CFAP20: variants seen among roughly 807,000 people sequenced by gnomAD.
CFAP20 encodes the protein cilia- and flagella-associated protein 20.
Under a neutral mutation model 25.5 loss-of-function variants are expected in CFAP20, and 14 were observed. The observed-to-expected ratio is 0.55, with a 90% confidence interval of 0.36 to 0.86. The LOEUF (loss-of-function observed/expected upper bound fraction) is 0.86, where lower values mean the gene tolerates loss of function less well. CFAP20 is among the 40% of genes least tolerant of loss of function. The pLI, the probability that CFAP20 is intolerant of heterozygous loss-of-function variation, is 0.01. For missense variants in CFAP20, 181 were observed against 248.0 expected (o/e 0.73, Z 1.81); for synonymous variants, 75 against 91.1 (o/e 0.82, Z 1.01).
intron 1 of CFAP20, among the ~76,000 whole-genome samples, chr16:58,122,486 G>A (rs567202634): frequency 6.6e-6 from 1 of 152,274 alleles, no homozygotes; most frequent in Non-Finnish European, 1.5e-5. Flanking sequence ...GGAGGCTGAG[G>A]CAGGAGAATT....
At chr16:58,123,950 G>T (rs1567448654) in intron 1 of CFAP20, among the ~76,000 whole-genome samples, 1 of 152,144 alleles carries the variant, frequency 6.6e-6, no homozygotes. Flanking sequence ...TCTGAGAAAG[G>T]CCTTTGAACT....
rs531780633 is a variant in CFAP20 at position 58,122,700 on chromosome 16, C to CA, written c.85-5750dup. ...AAAAAAGTTTTACCACCTTTATGTC[C>CA]AAATACACTCAATTCTACTACTGAA... is the stretch of plus-strand genomic sequence containing the variant. On this transcript the variant is annotated intron_variant, in intron 1 of 5. Transcript: ENST00000262498. Among the ~76,000 whole-genome samples the CA allele has an allele frequency of 1.9e-3, 287 of 152,268 alleles. 2 individuals carry two copies. The highest frequency in any genetic ancestry group is 6.4e-3 in the African/African-American group (264 of 41,550).
At position 58,122,747 on chromosome 16, in the gene CFAP20, A is replaced by G. The variant is rs79090889; in HGVS notation, c.85-5796T>C. On this transcript the variant is annotated intron_variant, in intron 1 of 5. Transcript: ENST00000262498. Reference sequence around the variant, plus strand: ...TGAAAACAGCACCAATTTAATTTTTATCAACAAGGCATGCTAACTAAAAAC... The same window carrying G: ...TGAAAACAGCACCAATTTAATTTTTGTCAACAAGGCATGCTAACTAAAAAC... 8.6e-3 allele frequency among the ~76,000 whole-genome samples: 1,306 copies of G among 152,348 alleles called. 22 individuals are homozygous for G. The highest frequency in any genetic ancestry group is 0.078 in the East Asian group (402 of 5,182).
chr16:58,127,489 T>C (rs1007270575), intron 1 of CFAP20, among the ~76,000 whole-genome samples: 1 of 152,232 alleles, frequency 6.6e-6, no homozygotes, highest in African/African-American at 2.4e-5. Context: ...TGACAGCCCA[T>C]AACTGAGTCA....
intron 1 of CFAP20, among the ~76,000 whole-genome samples, chr16:58,120,386 A>C (rs6499936): frequency 0.97 from 148,485 of 152,310 alleles, 72,391 homozygotes; most frequent in East Asian, 1. Flanking sequence ...ATTTCACATC[A>C]CTCAAGCTCT....
At chr16:58,123,931 G>A in intron 1 of CFAP20, among the ~76,000 whole-genome samples, 1 of 152,184 alleles carries the variant, frequency 6.6e-6, no homozygotes, top group South Asian at 2.1e-4. Context: ...AAGAGTTAAG[G>A]AAGGTCACTC....
intron 1 of CFAP20, among the ~76,000 whole-genome samples, chr16:58,117,974 T>G (rs1960481734): frequency 6.6e-6 from 1 of 152,250 alleles, no homozygotes; most frequent in Non-Finnish European, 1.5e-5. Flanking sequence ...TTTGTTTTTC[T>G]GGCTCATGTT....
intron 1 of CFAP20, 30 bp downstream of exon 1, chr16:58,129,002 A>ACC: frequency 6.8e-7 from 1 of 1,467,434 alleles, no homozygotes; most frequent in Non-Finnish European, 9.3e-7. Flanking sequence ...CAGCCCCTCC[A>ACC]CCCCGCCCCG....
At position 58,116,074 on chromosome 16, in the gene CFAP20, T is replaced by G; in HGVS notation, c.243A>C (p.Lys81Asn). The G allele has an allele frequency of 6.2e-7, 1 of 1,613,442 alleles. No individual in the cohort carries two copies. Among genetic ancestry groups the G allele is most frequent in the Non-Finnish European group, 8.5e-7 (1 of 1,179,358 alleles). Residue 81 changes from lysine to asparagine, a missense_variant, in exon 3 of 6, where the codon AAA becomes AAC. Coordinates refer to ENST00000262498, the MANE Select transcript of CFAP20 (RefSeq NM_013242.3). ...CGAAGGTAAAATACTTCTTCAGGTT[T>G]TTGATAATCATGACAAGGAAAGGAA... ...IKLPFLVMII[K>N]NLKKYFTFEV...
Position 58,113,781 on chromosome 16 carries a change from G to T in CFAP20, c.*244C>A. ...GGTATCTCCCCCCACACTGGGGCAG[G>T]CGGCGGAATAAGCTCCAGCGTTCAT... On this transcript the variant is annotated 3_prime_UTR_variant, in exon 6 of 6. Coordinates refer to ENST00000262498, the MANE Select transcript of CFAP20 (RefSeq NM_013242.3). 2.0e-6 allele frequency: 1 copy of T among 510,990 alleles called. No individual in the cohort carries two copies. The highest frequency in any genetic ancestry group is 3.5e-6 in the Non-Finnish European group (1 of 282,992). The allele number at this position is 510,990 out of a possible 1,614,324, so 31.7% of individuals were successfully genotyped here.
intron 3 of CFAP20, 160 bp from the exon 4 acceptor site, chr16:58,115,617 G>T: frequency 1.3e-6 from 1 of 786,342 alleles, no homozygotes; most frequent in Non-Finnish European, 2.0e-6. Flanking sequence ...GCATGCAGAT[G>T]GCCCGGAAGT....
chr16:58,116,868 C>T lies in CFAP20; in HGVS notation c.164+4G>A, dbSNP rs1170869521. The T allele has an allele frequency of 6.2e-7, 1 of 1,613,388 alleles. No homozygotes were observed. The highest frequency in any genetic ancestry group is 8.5e-7 in the Non-Finnish European group (1 of 1,179,464). ...TCTCTGGGAGAACAGAGGTGGCAAC[C>T]TACCTTACATTTGTCCCTTCAATCT... On this transcript the variant is annotated splice_donor_region_variant and intron_variant, in intron 2 of 5. Coordinates refer to ENST00000262498, the MANE Select transcript of CFAP20 (RefSeq NM_013242.3).
At chr16:58,115,126 C>T (rs1022496298) in intron 4 of CFAP20, 143 bp downstream of exon 4, 21 of 1,232,984 alleles carry the variant, frequency 1.7e-5, no homozygotes, top group Non-Finnish European at 2.1e-5. Context: ...ATTTCCTGGA[C>T]CTTTGTGAGG....
chr16:58,123,627 A>AAAAAAAAAAAAAAT (rs1960569183), intron 1 of CFAP20, among the ~76,000 whole-genome samples: 1 of 141,804 alleles, frequency 7.1e-6, no homozygotes, highest in Admixed American at 7.1e-5. Flanking sequence ...AAAAAAAAAA[A>AAAAAAAAAAAAAAT]AAGACTGAAA....
intron 1 of CFAP20, among the ~76,000 whole-genome samples, chr16:58,119,863 AGTGCCC>A (rs1271826464): frequency 5.4e-5 from 7 of 129,510 alleles, no homozygotes; most frequent in East Asian, 2.4e-4. Flanking sequence ...TCCCAACCTA[AGTGCCC>A]ACCTCACTCG....
chr16:58,125,832 C>T (rs1960603862), intron 1 of CFAP20, among the ~76,000 whole-genome samples: 3 of 152,148 alleles, frequency 2.0e-5, no homozygotes, highest in Admixed American at 2.0e-4. Flanking sequence ...TGGTTTACAC[C>T]TACTCACAAA....
In CFAP20 at chr16:58,115,462, G is replaced by C. The variant is rs779368456; in HGVS notation, c.277-5C>G. On this transcript the variant is annotated splice_region_variant and splice_polypyrimidine_tract_variant and intron_variant, in intron 3 of 5. Coordinates refer to ENST00000262498, the MANE Select transcript of CFAP20 (RefSeq NM_013242.3). Reference sequence around the variant, plus strand: ...CACATTCTTGTCATCTAGTACCTGTGAAATACAGAGAAGAAGCATCACACT... The same window carrying C: ...CACATTCTTGTCATCTAGTACCTGTCAAATACAGAGAAGAAGCATCACACT... 6.2e-7 allele frequency: 1 copy of C among 1,613,762 alleles called. No homozygotes were observed. The highest frequency in any genetic ancestry group is 1.1e-5 in the South Asian group (1 of 91,048).
intron 4 of CFAP20, 122 bp from the exon 5 acceptor site, chr16:58,115,042 C>T: frequency 1.9e-6 from 2 of 1,034,854 alleles, no homozygotes; most frequent in Non-Finnish European, 2.9e-6. Context: ...CTTGGCTTGT[C>T]TTAGGGATGG....
chr16:58,128,681 G>A (rs934652787), intron 1 of CFAP20, among the ~76,000 whole-genome samples: 5 of 152,106 alleles, frequency 3.3e-5, no homozygotes, highest in Admixed American at 1.3e-4. Flanking sequence ...GCTACGAGAT[G>A]GGCACCATCA....
Sources: gnomAD v4.1 joint callset for allele counts (sites outside exome capture counted in the v4.1 genomes callset) on GRCh38, gnomAD v4.1.1 for gene constraint, MANE v1.5 for transcripts, NCBI Gene and HGNC (gene_info 2026-07-23, HGNC 2026-07-21) for gene names.